The following PRDM1 variants were observed in gnomAD, a reference collection of about 807,000 sequenced individuals.
The protein encoded by PRDM1 is PR/SET domain 1, also known as PR domain zinc finger protein 1.
PRDM1 carries 13 observed loss-of-function variants against 62.8 expected under a neutral mutation model. The observed-to-expected ratio is 0.21, with a 90% CI of 0.13 to 0.33. The LOEUF is 0.33. Ranked by LOEUF, PRDM1 falls within the 10% of genes least tolerant of loss-of-function variation. The pLI is 1.00. For synonymous variants in PRDM1, 396 were observed against 417.6 expected (o/e 0.95, Z 0.63); for missense variants, 895 against 1,058.8 (o/e 0.85, Z 2.15).
intron 1 of PRDM1, 61 bp from the exon 2 acceptor site, chr6:106,088,140 C>G (rs1582460067): frequency 2.2e-5 from 33 of 1,533,212 alleles, no homozygotes; most frequent in Non-Finnish European, 2.8e-5. Flanking sequence ...CATAGCCTCT[C>G]AGAAGGAGCC....
At chr6:106,095,843 C>G in intron 3 of PRDM1, 109 bp downstream of exon 3, 1 of 1,221,524 alleles carries the variant, frequency 8.2e-7, no homozygotes, top group Non-Finnish European at 1.1e-6. Context: ...CTGGGGCTCA[C>G]CCATAAGTAT....
chr6:106,024,509 C>T (rs1772740714), intron 1 of PRDM1, among the ~76,000 whole-genome samples: 1 of 152,178 alleles, frequency 6.6e-6, no homozygotes. Flanking sequence ...GACATCTCTT[C>T]TATGAAAGGA....
upstream of PRDM1, among the ~76,000 whole-genome samples, chr6:106,083,921 C>CT (rs1416228707): frequency 2.6e-5 from 4 of 152,348 alleles, no homozygotes; most frequent in African/African-American, 9.6e-5. Context: ...AAAAGGTGCA[C>CT]TGCTCAGGCC....
chr6:106,001,744 G>GAT (rs1772427166), intron 1 of PRDM1, among the ~76,000 whole-genome samples: 1 of 152,056 alleles, frequency 6.6e-6, no homozygotes, highest in African/African-American at 2.4e-5. Flanking sequence ...TGTATGTCTT[G>GAT]ATATCTGATA....
At chr6:106,055,782 AGTCATGGGTACAGCTCTG>A (rs1372849710) in intron 1 of PRDM1, among the ~76,000 whole-genome samples, 2 of 152,176 alleles carry the variant, frequency 1.3e-5, no homozygotes, top group East Asian at 1.9e-4. Flanking sequence ...GGTTCTGGAG[AGTCATGGGTACAGCTCTG>A]GTCCCCGACT....
intron 4 of PRDM1, 88 bp from the exon 5 acceptor site, chr6:106,104,737 G>GT: frequency 2.1e-6 from 3 of 1,452,750 alleles, no homozygotes; most frequent in Non-Finnish European, 1.9e-6. Context: ...TGTTACTCAG[G>GT]TTTTCTCAAG....
intron 1 of PRDM1, among the ~76,000 whole-genome samples, chr6:106,033,607 T>A (rs1772880242): frequency 6.6e-6 from 1 of 152,076 alleles, no homozygotes; most frequent in Admixed American, 6.6e-5. Flanking sequence ...TGAACCACTG[T>A]GCCTGGCCTA....
intron 1 of PRDM1, among the ~76,000 whole-genome samples, chr6:106,007,213 C>T (rs1312845311): frequency 1.3e-5 from 2 of 151,774 alleles, no homozygotes; most frequent in East Asian, 1.9e-4. Context: ...GGGCGGATCA[C>T]GAGGTCAGGA....
At chr6:106,025,166 A>G (rs1772748164) in intron 1 of PRDM1, among the ~76,000 whole-genome samples, 1 of 152,186 alleles carries the variant, frequency 6.6e-6, no homozygotes, top group South Asian at 2.1e-4. Context: ...CTTCTTTCCC[A>G]TTTATTTTAG....
In PRDM1 at chr6:106,032,591, C is replaced by T. The variant is rs181425037; in HGVS notation, c.-67+38952C>T. 4.5e-3 allele frequency among the ~76,000 whole-genome samples: 689 copies of T among 152,220 alleles called. 5 individuals are homozygous for T. The highest frequency in any genetic ancestry group is 0.016 in the African/African-American group (661 of 41,520). The stretch of plus-strand genomic sequence containing the variant: ...TAGCTAGGACTACAGGCTTGTGCCA[C>T]CACACCCAGCTAATTTTTGTATTTT... On this transcript the variant is annotated intron_variant, in intron 1 of 6. Transcript: ENST00000652320.
intron 1 of PRDM1, among the ~76,000 whole-genome samples, chr6:106,021,838 T>C (rs1441538933): frequency 6.6e-6 from 1 of 152,230 alleles, no homozygotes; most frequent in Non-Finnish European, 1.5e-5. Flanking sequence ...CAGACTGGTC[T>C]CAAACTCCCA....
intron 1 of PRDM1, among the ~76,000 whole-genome samples, chr6:106,009,560 CAT>C (rs1381188029): frequency 1.3e-5 from 2 of 152,056 alleles, no homozygotes; most frequent in African/African-American, 4.8e-5. Context: ...AATCTACCTA[CAT>C]ATATACACAT....
chr6:106,078,324 T>C (rs890286661), intron 1 of PRDM1: 1 of 152,068 alleles, frequency 6.6e-6, no homozygotes, highest in Non-Finnish European at 1.5e-5. Context: ...CTCTGTAAAA[T>C]GGAATAAAAT....
chr6:106,108,212 T>TTTG lies in PRDM1; in HGVS notation c.*730_*732dup, dbSNP rs1774562606. 4.3e-6 allele frequency: 1 copy of TTTG among 233,528 alleles called. No individual in the cohort carries two copies. Among genetic ancestry groups the TTTG allele is most frequent in the East Asian group, 6.0e-5 (1 of 16,718 alleles). 14.5% of individuals were successfully genotyped at this position (233,528 alleles called of 1,614,324 possible). On this transcript the variant is annotated 3_prime_UTR_variant, in exon 7 of 7. Transcript: ENST00000369096. Reference sequence around the variant, plus strand: ...AACAAGAAAGGGAATCTTGTATATTTTTGTTGATAGTTCATGTTTTTCCCC... The same window carrying TTTG: ...AACAAGAAAGGGAATCTTGTATATTTTTGTTGTTGATAGTTCATGTTTTTCCCC...
intron 1 of PRDM1, among the ~76,000 whole-genome samples, chr6:106,026,110 A>G (rs1429662265): frequency 1.3e-5 from 2 of 152,186 alleles, no homozygotes; most frequent in Non-Finnish European, 2.9e-5. Flanking sequence ...CTTTTGAGAA[A>G]AGGTTTAAGG....
intron 1 of PRDM1, among the ~76,000 whole-genome samples, chr6:106,038,014 C>CTTTTTTTTTT (rs1227783243): frequency 0.011 from 533 of 47,778 alleles, 177 homozygotes; most frequent in African/African-American, 0.021. Flanking sequence ...CTATTTTTGT[C>CTTTTTTTTTT]TTTTTTTTTT....
chr6:106,086,435 C>A lies in PRDM1; in HGVS notation c.-119C>A. 7.6e-6 allele frequency: 7 copies of A among 917,854 alleles called. No homozygotes were observed. Among genetic ancestry groups the A allele is most frequent in the Non-Finnish European group, 1.2e-5 (7 of 604,548 alleles). 56.9% of individuals were successfully genotyped at this position (917,854 alleles called of 1,614,324 possible). A position where few individuals can be genotyped will look rare whatever the true frequency, so the allele number is the denominator to read the frequency against. On this transcript the variant is annotated 5_prime_UTR_variant, in exon 1 of 7. Coordinates refer to ENST00000369096, the MANE Select transcript of PRDM1 (RefSeq NM_001198.4). Reference sequence around the variant, plus strand: ...TGTCCGCCCGGAGCTGGGACGCGGGCGCCCGGGCGGCCGGACGAAGCGAGG... The same window carrying A: ...TGTCCGCCCGGAGCTGGGACGCGGGAGCCCGGGCGGCCGGACGAAGCGAGG...
At chr6:106,034,750 G>A (rs188370235) in intron 1 of PRDM1, among the ~76,000 whole-genome samples, 3 of 148,314 alleles carry the variant, frequency 2.0e-5, no homozygotes, top group Non-Finnish European at 3.0e-5. Context: ...TCCTGTCTCA[G>A]CCTCCCAAGT....
intron 1 of PRDM1, among the ~76,000 whole-genome samples, chr6:106,038,014 C>CTTTTTTTTTTTTTTGTTTTTTTTT (rs1772945434): frequency 2.1e-5 from 1 of 47,800 alleles, no homozygotes; most frequent in African/African-American, 8.6e-5. Context: ...CTATTTTTGT[C>CTTTTTTTTTTTTTTGTTTTTTTTT]TTTTTTTTTT....
Sources: gnomAD v4.1 joint callset for allele counts (sites outside exome capture counted in the v4.1 genomes callset) on GRCh38, gnomAD v4.1.1 for gene constraint, MANE v1.5 for transcripts, NCBI Gene and HGNC (gene_info 2026-07-23, HGNC 2026-07-21) for gene names.